Variants in ACACA observed in about 807,000 individuals in gnomAD.
ACACA encodes acetyl-CoA carboxylase alpha.
In ACACA, 103 loss-of-function variants were observed where a neutral mutation model predicts 296.1. The ratio of observed to expected loss-of-function variants is 0.35; its 90% confidence interval spans 0.30 to 0.41. ACACA has a LOEUF of 0.41. Among genes scored for constraint, ACACA ranks in the 10% least tolerant of loss-of-function variants. ACACA has a pLI of 1.00. For missense variants in ACACA, 1,554 were observed against 2,989.7 expected, an observed-to-expected ratio of 0.52 and a Z score of 11.20; for synonymous variants, 953 against 1,038.6, an observed-to-expected ratio of 0.92 and a Z score of 1.58.
intron 3 of ACACA, among the ~76,000 whole-genome samples, chr17:37,306,203 C>T (rs2083879642): frequency 6.6e-6 from 1 of 151,996 alleles, no homozygotes; most frequent in Non-Finnish European, 1.5e-5. Context: ...CCACTGCACC[C>T]GGCCAGCAGT....
intron 29 of ACACA, among the ~76,000 whole-genome samples, chr17:37,214,079 A>G (rs970830956): frequency 6.6e-6 from 1 of 152,222 alleles, no homozygotes; most frequent in Non-Finnish European, 1.5e-5. Context: ...AAGCCAGTAT[A>G]GGGCAACTCT....
intron 35 of ACACA, among the ~76,000 whole-genome samples, chr17:37,199,049 G>A (rs1411761636): frequency 6.6e-6 from 1 of 152,128 alleles, no homozygotes; most frequent in Non-Finnish European, 1.5e-5. Context: ...AGACCAGCCT[G>A]GCTAACATGG....
intron 2 of ACACA, among the ~76,000 whole-genome samples, chr17:37,338,364 C>T (rs2048231043): frequency 6.6e-6 from 1 of 152,058 alleles, no homozygotes; most frequent in African/African-American, 2.4e-5. Context: ...CCCATCTCTA[C>T]TAAAAATACA....
chr17:37,315,908 C>T (rs2047063838), intron 3 of ACACA, among the ~76,000 whole-genome samples: 1 of 152,162 alleles, frequency 6.6e-6, no homozygotes. Flanking sequence ...CCTTGCCCCT[C>T]CCTGGAGGTT....
chr17:37,100,807 A>C (rs1228859267), intron 52 of ACACA, among the ~76,000 whole-genome samples: 1 of 152,162 alleles, frequency 6.6e-6, no homozygotes, highest in Non-Finnish European at 1.5e-5. Context: ...TGAATAAAGA[A>C]GCATTAGGGC....
chr17:37,123,974 C>A (rs1179115574), intron 48 of ACACA, among the ~76,000 whole-genome samples: 1 of 152,164 alleles, frequency 6.6e-6, no homozygotes, highest in African/African-American at 2.4e-5. Flanking sequence ...TTTTATCAGG[C>A]TAGCACATGA....
intron 25 of ACACA, among the ~76,000 whole-genome samples, chr17:37,229,349 G>T (rs1251723241): frequency 1.3e-5 from 2 of 151,794 alleles, no homozygotes; most frequent in African/African-American, 4.8e-5. Context: ...TGTTCCGCAG[G>T]CTGGAGTGCA....
intron 1 of ACACA, among the ~76,000 whole-genome samples, chr17:37,355,240 C>G (rs1375029494): frequency 6.7e-6 from 1 of 148,972 alleles, no homozygotes; most frequent in Non-Finnish European, 1.5e-5. Context: ...GAGACTCCAT[C>G]TCCAAAAAAA....
intron 45 of ACACA, among the ~76,000 whole-genome samples, chr17:37,146,672 G>T (rs1051639876): frequency 2.1e-5 from 3 of 142,248 alleles, no homozygotes; most frequent in South Asian, 5.1e-4. Context: ...GGGGGGAAGG[G>T]GGGGGCAGAG....
chr17:37,199,711 T>G (rs576088204), intron 35 of ACACA, among the ~76,000 whole-genome samples: 1 of 152,134 alleles, frequency 6.6e-6, no homozygotes, highest in Non-Finnish European at 1.5e-5. Flanking sequence ...ATTGATTCAC[T>G]ATAAGCACAG....
chr17:37,181,337 C>T lies in ACACA; in HGVS notation c.4796G>A (p.Gly1599Glu). Residue 1599 changes from glycine (G) to glutamate (E), a missense_variant, in exon 40 of 56, where the codon GGA (glycine) becomes GAA (glutamate). Gly to Glu is a moderately conservative substitution (Grantham distance 98, BLOSUM62 -2). This residue lies in a region of ACACA where 553 missense variants were observed against 1,043.6 expected (regional missense o/e 0.53). Coordinates refer to ENST00000616317, the MANE Select transcript of ACACA (RefSeq NM_198834.3). ...RTAQIMFQAY[G>E]DKQGPLHGML... ...TCCATGCAGTGGTCCCTGTTTGTCT[C>T]CATATGCCTGAAACATGATCTGCAG... The T allele has an allele frequency of 3.1e-6, 5 of 1,613,972 alleles. No individual in the cohort carries two copies. The highest frequency in any genetic ancestry group is 4.2e-6 in the Non-Finnish European group (5 of 1,180,002).
intron 45 of ACACA, among the ~76,000 whole-genome samples, chr17:37,142,004 T>G (rs1442247286): frequency 2.0e-5 from 1 of 50,388 alleles, no homozygotes; most frequent in Non-Finnish European, 3.5e-5. Flanking sequence ...TTTTTTTTGT[T>G]TTTTTTTGTT....
At chr17:37,148,195 T>C (rs1237494346) in intron 45 of ACACA, among the ~76,000 whole-genome samples, 5 of 150,834 alleles carry the variant, frequency 3.3e-5, no homozygotes, top group Non-Finnish European at 7.4e-5. Flanking sequence ...CATTCATCAA[T>C]ATCTCATCCT....
At chr17:37,336,060 T>C (rs1281815560) in intron 2 of ACACA, among the ~76,000 whole-genome samples, 1 of 152,150 alleles carries the variant, frequency 6.6e-6, no homozygotes, top group East Asian at 1.9e-4. Flanking sequence ...TACTCCTCTT[T>C]GGACCCTGTA....
At chr17:37,138,674 A>G (rs1178525648) in intron 45 of ACACA, among the ~76,000 whole-genome samples, 2 of 152,274 alleles carry the variant, frequency 1.3e-5, no homozygotes, top group Non-Finnish European at 2.9e-5. Flanking sequence ...TTGTAAGAGT[A>G]CAATGGGCTC....
chr17:37,312,214 G>C (rs1040912762), intron 3 of ACACA, among the ~76,000 whole-genome samples: 2 of 152,112 alleles, frequency 1.3e-5, no homozygotes, highest in African/African-American at 4.8e-5. Context: ...CAAATAGAAT[G>C]ATCAAAGGAC....
chr17:37,260,249 CATATATATATATATAT>C (rs1172232844), intron 11 of ACACA, among the ~76,000 whole-genome samples: 4 of 30,514 alleles, frequency 1.3e-4, no homozygotes, highest in Non-Finnish European at 2.2e-4. Flanking sequence ...ACTCCCAAGT[CATATATATATATATAT>C]ATATATATAT....
At position 37,406,416 on chromosome 17, in the gene ACACA, C is replaced by T. The variant is rs985781094; in HGVS notation, c.-117G>A. Reference sequence around the variant, plus strand: ...CTGATTGAAACGCACCCTCTTCACCCCTTAAAATCAGTCTGGTTCATCCAC... The same window carrying T: ...CTGATTGAAACGCACCCTCTTCACCTCTTAAAATCAGTCTGGTTCATCCAC... On this transcript the variant is annotated 5_prime_UTR_variant, in exon 1 of 56. Transcript: ENST00000616317. 2.6e-5 allele frequency: 30 copies of T among 1,152,830 alleles called. No individual in the cohort carries two copies. Among genetic ancestry groups the T allele is most frequent in the Admixed American group, 8.4e-5 (5 of 59,188 alleles). 71.4% of individuals were successfully genotyped at this position (1,152,830 alleles called of 1,614,324 possible).
chr17:37,239,666 T>C (rs924943541), intron 24 of ACACA, among the ~76,000 whole-genome samples: 1 of 152,082 alleles, frequency 6.6e-6, no homozygotes, highest in Non-Finnish European at 1.5e-5. Flanking sequence ...TATTTCATGA[T>C]AAATTATATT....
Sources: allele counts gnomAD v4.1 joint callset (sites outside exome capture counted in the v4.1 genomes callset), GRCh38; gene constraint gnomAD v4.1.1; regional missense constraint gnomAD v4.1.1; transcripts MANE v1.5; gene names NCBI Gene and HGNC (gene_info 2026-07-23, HGNC 2026-07-21).